BTAF1: variants seen among roughly 807,000 people sequenced by gnomAD.
BTAF1 encodes B-TFIID TATA-box binding protein associated factor 1.
BTAF1 carries 38 observed loss-of-function variants against 227.1 expected under a neutral mutation model. The ratio of observed to expected loss-of-function variants is 0.17; its 90% CI spans 0.13 to 0.22. The LOEUF is 0.22. Ranked by LOEUF, BTAF1 falls within the 10% of genes least tolerant of loss-of-function variation. The pLI is 1.00. For synonymous variants in BTAF1, 742 were observed against 751.9 expected (o/e 0.99, Z 0.21); for missense variants, 1,598 against 2,204.0 (o/e 0.73, Z 5.51).
intron 24 of BTAF1, among the ~76,000 whole-genome samples, chr10:91,996,903 TTAA>T (rs1292150611): frequency 1.3e-5 from 2 of 152,182 alleles, no homozygotes; most frequent in Non-Finnish European, 2.9e-5. Flanking sequence ...CAGTGTCTTA[TTAA>T]TCAGGTATTC....
chr10:91,951,001 T>C (rs921097689), intron 4 of BTAF1, among the ~76,000 whole-genome samples: 2 of 152,002 alleles, frequency 1.3e-5, no homozygotes, highest in Non-Finnish European at 1.5e-5. Flanking sequence ...CTGCTAATTA[T>C]TTTTTATAGA....
At chr10:91,967,656 C>T (rs1195674072) in intron 14 of BTAF1, among the ~76,000 whole-genome samples, 1 of 152,114 alleles carries the variant, frequency 6.6e-6, no homozygotes, top group Non-Finnish European at 1.5e-5. Flanking sequence ...TTTGTCTGAT[C>T]CAAATCTCTG....
At chr10:91,973,357 G>A (rs1297104646) in intron 14 of BTAF1, among the ~76,000 whole-genome samples, 1 of 152,220 alleles carries the variant, frequency 6.6e-6, no homozygotes, top group East Asian at 1.9e-4. Context: ...GTGAGATAAT[G>A]TGTATGAAAG....
chr10:92,002,076 T>G (rs966760578), intron 25 of BTAF1, among the ~76,000 whole-genome samples: 1 of 148,386 alleles, frequency 6.7e-6, no homozygotes, highest in African/African-American at 2.5e-5. Flanking sequence ...ATGAAAAATA[T>G]AAGAATGACC....
chr10:92,018,686 T>C lies in BTAF1; in HGVS notation c.4711-97T>C, dbSNP rs115290911. ...AGCAAGAAGAGGGAGAAAGGCATTCTAAACAGCATAGGAAATAGCATAGGG... is the reference window on the plus strand; with the variant it reads ...AGCAAGAAGAGGGAGAAAGGCATTCCAAACAGCATAGGAAATAGCATAGGG... On this transcript the variant is annotated intron_variant, in intron 33 of 37. Transcript: ENST00000265990. 1.3e-4 allele frequency: 147 copies of C among 1,164,528 alleles called. 1 individual carries two copies. In the African/African-American group the frequency reaches 2.1e-3, roughly 17 times the overall value. 72.1% of individuals were successfully genotyped at this position (1,164,528 alleles called of 1,614,324 possible).
chr10:92,027,530 C>T lies in BTAF1; in HGVS notation c.5406+230C>T, dbSNP rs76182751. ...AGTGTCTTGCCACAAGGTTTCTTTC[C>T]TTAGTCCTTTTCTGCTAAAGCACAG... On this transcript the variant is annotated intron_variant, in intron 37 of 37. Coordinates refer to ENST00000265990, the MANE Select transcript of BTAF1 (RefSeq NM_003972.3). Among the ~76,000 whole-genome samples the T allele has an allele frequency of 1.1e-3, 162 of 151,834 alleles. 3 individuals are homozygous for T. The East Asian group carries it at 0.03, about 28-fold the overall frequency.
Position 91,957,283 on chromosome 10 carries a change from C to A in BTAF1, c.890C>A (p.Pro297His), listed in dbSNP as rs746390763. Reference protein sequence around the residue: ...CEELCNDLFNPSWEVRHGAGT... With the variant: ...CEELCNDLFNHSWEVRHGAGT... The stretch of plus-strand genomic sequence containing the variant: ...GAACTTTGCAATGACCTTTTTAATC[C>A]CTCCTGGGAGGTAAGATTTCTTCAT... Residue 297 changes from proline (P) to histidine (H), a missense_variant, in exon 8 of 38, where the codon CCC (proline) becomes CAC (histidine). Transcript: ENST00000265990. The A allele has an allele frequency of 6.2e-7, 1 of 1,609,782 alleles. No homozygotes were observed. Among genetic ancestry groups the A allele is most frequent in the African/African-American group, 1.3e-5 (1 of 74,926 alleles).
intron 1 of BTAF1, among the ~76,000 whole-genome samples, chr10:91,929,100 A>G (rs1844086592): frequency 6.6e-6 from 1 of 152,172 alleles, no homozygotes; most frequent in Non-Finnish European, 1.5e-5. Context: ...GGTGTGAGCC[A>G]CTGCGCCTGG....
intron 1 of BTAF1, among the ~76,000 whole-genome samples, chr10:91,925,776 C>T (rs1009856255): frequency 1.3e-5 from 2 of 152,222 alleles, no homozygotes; most frequent in Admixed American, 6.5e-5. Flanking sequence ...TCCCAAAGTG[C>T]TGGGATTACA....
intron 1 of BTAF1, among the ~76,000 whole-genome samples, chr10:91,934,846 TAAA>T (rs1337724813): frequency 6.6e-6 from 1 of 152,220 alleles, no homozygotes; most frequent in Non-Finnish European, 1.5e-5. Flanking sequence ...CCACCAGTGT[TAAA>T]ATTATTTTCT....
In BTAF1 at chr10:92,008,134, A is replaced by T; in HGVS notation, c.3672A>T (p.Pro1224=). The T allele has an allele frequency of 6.3e-7, 1 of 1,582,924 alleles. No homozygotes were observed. Residue 1224 remains proline, a synonymous_variant, in exon 26 of 38, where the codon CCA becomes CCT. Transcript: ENST00000265990. The part of the protein sequence containing the change: ...IRLMPLEAGI[P]DPPNMSAELI... ...AAAAATCATTTTAGGCAGGCATTCCAGACCCTCCAAACATGTCAGCAGAAT... is the reference window on the plus strand; with the variant it reads ...AAAAATCATTTTAGGCAGGCATTCCTGACCCTCCAAACATGTCAGCAGAAT...
At chr10:91,977,184 T>C (rs1847758111) in intron 14 of BTAF1, among the ~76,000 whole-genome samples, 1 of 152,166 alleles carries the variant, frequency 6.6e-6, no homozygotes, top group African/African-American at 2.4e-5. Flanking sequence ...GTTAGAAGTT[T>C]AACCTTCATT....
intron 4 of BTAF1, among the ~76,000 whole-genome samples, chr10:91,947,012 T>C (rs1845415429): frequency 6.6e-6 from 1 of 152,038 alleles, no homozygotes; most frequent in African/African-American, 2.4e-5. Flanking sequence ...CCAGCTAATT[T>C]TTTAATTTTT....
intron 4 of BTAF1, among the ~76,000 whole-genome samples, chr10:91,943,201 C>G (rs1462170126): frequency 1.3e-5 from 2 of 152,078 alleles, no homozygotes; most frequent in Admixed American, 1.3e-4. Flanking sequence ...GTAATGCCAG[C>G]TACCCGTGAG....
At chr10:92,007,066 G>C (rs941947131) in intron 25 of BTAF1, among the ~76,000 whole-genome samples, 2 of 151,106 alleles carry the variant, frequency 1.3e-5, no homozygotes, top group Non-Finnish European at 2.9e-5. Context: ...AAAATGGCTA[G>C]TTCAGCTCCT....
chr10:92,011,270 A>G lies in BTAF1; in HGVS notation c.4182-16A>G, dbSNP rs780503796. 5 of 1,511,422 alleles carry G rather than the reference A, an allele frequency of 3.3e-6. No homozygotes were observed. The African/African-American group carries it at 4.3e-5, about 13-fold the overall frequency. The allele number at this position is 1,511,422 out of a possible 1,614,324, so 93.6% of individuals were successfully genotyped here. Reference sequence around the variant, plus strand: ...TACAGCAAAAGTTGTAAAATTTTCTATTTATTCTCCCTTAGAAATATTAAA... The same window carrying G: ...TACAGCAAAAGTTGTAAAATTTTCTGTTTATTCTCCCTTAGAAATATTAAA... On this transcript the variant is annotated splice_polypyrimidine_tract_variant and intron_variant, in intron 29 of 37. Transcript: ENST00000265990.
chr10:91,943,299 G>A (rs1003108707), intron 4 of BTAF1, among the ~76,000 whole-genome samples: 3 of 152,128 alleles, frequency 2.0e-5, no homozygotes, highest in African/African-American at 7.2e-5. Context: ...GGGCAACAGA[G>A]GTAGACTCTG....
intron 14 of BTAF1, among the ~76,000 whole-genome samples, chr10:91,967,144 G>C (rs1368531292): frequency 1.3e-5 from 2 of 152,156 alleles, no homozygotes; most frequent in African/African-American, 4.8e-5. Context: ...TGAAGGTCTA[G>C]AGTACAACTC....
chr10:91,950,488 T>C (rs997888622), intron 4 of BTAF1, among the ~76,000 whole-genome samples: 7 of 152,194 alleles, frequency 4.6e-5, no homozygotes, highest in African/African-American at 1.7e-4. Flanking sequence ...TATCAAATTT[T>C]TTTCAGTAAG....
Sources: gnomAD v4.1 joint callset for allele counts (sites outside exome capture counted in the v4.1 genomes callset) on GRCh38, gnomAD v4.1.1 for gene constraint, MANE v1.5 for transcripts, NCBI Gene and HGNC (gene_info 2026-07-23, HGNC 2026-07-21) for gene names.